CSMD3: variants seen among roughly 807,000 people sequenced by gnomAD.
CSMD3 encodes CUB and Sushi multiple domains 3, also known as CUB and sushi domain-containing protein 3.
A neutral mutation model predicts 435.2 loss-of-function variants in CSMD3; 177 were observed. That is an observed-to-expected ratio of 0.41 (90% confidence interval 0.36 to 0.46). The LOEUF is 0.46. CSMD3 is among the 20% of genes least tolerant of loss of function. The probability of loss-of-function intolerance (pLI) is 0.34; values close to 1 mark genes in which losing one functional copy is unlikely to be tolerated. For synonymous variants in CSMD3, 1,656 were observed against 1,520.5 expected (o/e 1.09, Z -2.07); for missense variants, 4,265 against 4,504.6 (o/e 0.95, Z 1.52).
intron 11 of CSMD3, among the ~76,000 whole-genome samples, chr8:112,845,998 A>G (rs553326974): frequency 6.6e-6 from 1 of 152,146 alleles, no homozygotes; most frequent in South Asian, 2.1e-4. Context: ...GAGGCTGGGG[A>G]GGATAAAGTT....
intron 36 of CSMD3, among the ~76,000 whole-genome samples, chr8:112,387,420 G>A (rs1003622052): frequency 4.0e-5 from 6 of 150,484 alleles, no homozygotes; most frequent in Non-Finnish European, 7.4e-5. Flanking sequence ...TAGCCAGATA[G>A]CTTTTAGGTA....
At chr8:113,226,942 T>C (rs2132164030) in intron 3 of CSMD3, among the ~76,000 whole-genome samples, 1 of 151,762 alleles carries the variant, frequency 6.6e-6, no homozygotes, top group Non-Finnish European at 1.5e-5. Flanking sequence ...ACTGACTTTC[T>C]GGGATTGCTT....
intron 22 of CSMD3, among the ~76,000 whole-genome samples, chr8:112,629,786 C>T (rs1586841354): frequency 1.3e-5 from 2 of 152,208 alleles, no homozygotes; most frequent in Middle Eastern, 3.4e-3. Context: ...CCCCATGATA[C>T]CTGTTTTTTT....
At chr8:112,840,971 A>T (rs1305151811) in intron 11 of CSMD3, among the ~76,000 whole-genome samples, 26 of 151,616 alleles carry the variant, frequency 1.7e-4, no homozygotes, top group Admixed American at 1.7e-3. Flanking sequence ...AATATAGTAA[A>T]TTTAAAAAAT....
At chr8:112,988,131 A>C (rs1000046123) in intron 6 of CSMD3, among the ~76,000 whole-genome samples, 1 of 152,048 alleles carries the variant, frequency 6.6e-6, no homozygotes, top group African/African-American at 2.4e-5. Context: ...CTTTCTCCCC[A>C]TAGTCTAGTC....
At chr8:113,420,385 A>G (rs1266164036) in intron 1 of CSMD3, among the ~76,000 whole-genome samples, 2 of 152,160 alleles carry the variant, frequency 1.3e-5, no homozygotes, top group Non-Finnish European at 2.9e-5. Context: ...TTTCTCAATG[A>G]GTACTTAAAA....
chr8:112,735,092 G>A (rs998586690), intron 13 of CSMD3, among the ~76,000 whole-genome samples: 1 of 151,940 alleles, frequency 6.6e-6, no homozygotes, highest in Non-Finnish European at 1.5e-5. Flanking sequence ...AGATTGTTTG[G>A]ATATTGGGAC....
At chr8:112,853,517 C>T (rs1276439342) in intron 11 of CSMD3, among the ~76,000 whole-genome samples, 2 of 152,184 alleles carry the variant, frequency 1.3e-5, no homozygotes, top group Non-Finnish European at 2.9e-5. Context: ...TGAGCCACCA[C>T]ACCTGGCCGT....
intron 6 of CSMD3, among the ~76,000 whole-genome samples, chr8:113,002,622 A>G (rs1234350774): frequency 6.6e-6 from 1 of 152,130 alleles, no homozygotes; most frequent in Non-Finnish European, 1.5e-5. Context: ...ATTTTGAGTC[A>G]TATAAAGACT....
chr8:112,517,408 ATTT>A (rs1823790149), intron 27 of CSMD3, among the ~76,000 whole-genome samples, 183 bp from the exon 28 acceptor site: 1 of 152,200 alleles, frequency 6.6e-6, no homozygotes, highest in South Asian at 2.1e-4. Flanking sequence ...GTGGCATAGT[ATTT>A]TAGTTACCAA....
In CSMD3 at chr8:112,921,678, G is replaced by A. The variant is rs138791171; in HGVS notation, c.1582C>T (p.Arg528Trp). The A allele has an allele frequency of 2.5e-5, 40 of 1,611,732 alleles. No homozygotes were observed. Among genetic ancestry groups the A allele is most frequent in the Non-Finnish European group, 3.1e-5 (36 of 1,178,104 alleles). The change falls in exon 10 of 71, where the codon CGG becomes TGG. Residue 528 changes from arginine (R) to tryptophan (W), a missense_variant. By Grantham distance (101) the Arg-to-Trp change is moderately radical. Coordinates refer to ENST00000297405, the MANE Select transcript of CSMD3 (RefSeq NM_198123.2). ...CAAGCAGCAAAAACTTCAGCTATCC[G>A]TTGACAGGTGATGCTCTTTGCGCCC... ...LQGAKSITCQ[R>W]IAEVFAAWSD...
chr8:112,442,934 A>C (rs1016964314), intron 32 of CSMD3, among the ~76,000 whole-genome samples: 1 of 152,198 alleles, frequency 6.6e-6, no homozygotes, highest in Non-Finnish European at 1.5e-5. Flanking sequence ...CTACTATGGA[A>C]CTGTTATACA....
chr8:112,395,491 A>C (rs1203931325), intron 35 of CSMD3, among the ~76,000 whole-genome samples: 1 of 152,178 alleles, frequency 6.6e-6, no homozygotes, highest in African/African-American at 2.4e-5. Flanking sequence ...TTCTAAGAAA[A>C]GATGAAGTAG....
intron 27 of CSMD3, among the ~76,000 whole-genome samples, chr8:112,533,451 A>T (rs553456316): frequency 6.6e-6 from 1 of 152,088 alleles, no homozygotes; most frequent in Non-Finnish European, 1.5e-5. Flanking sequence ...ACGGAAACCA[A>T]AAAAAGAGCA....
At chr8:112,825,632 T>A (rs1320611004) in intron 12 of CSMD3, among the ~76,000 whole-genome samples, 1 of 152,152 alleles carries the variant, frequency 6.6e-6, no homozygotes, top group Non-Finnish European at 1.5e-5. Flanking sequence ...CTTCAGGCCC[T>A]ATTCATCTGG....
intron 38 of CSMD3, among the ~76,000 whole-genome samples, chr8:112,378,289 G>T (rs1829143498): frequency 6.6e-6 from 1 of 150,498 alleles, no homozygotes; most frequent in Non-Finnish European, 1.5e-5. Context: ...ACGGAAAATA[G>T]AACTATATAA....
intron 5 of CSMD3, among the ~76,000 whole-genome samples, chr8:113,021,039 T>G (rs1259060326): frequency 6.6e-6 from 1 of 152,170 alleles, no homozygotes. Context: ...GTGTACAGAA[T>G]GTTGAATTCC....
At chr8:112,858,133 A>G (rs1465668753) in intron 11 of CSMD3, among the ~76,000 whole-genome samples, 1 of 151,730 alleles carries the variant, frequency 6.6e-6, no homozygotes, top group East Asian at 1.9e-4. Flanking sequence ...CAAGAACTTG[A>G]TAAGTGATCA....
chr8:113,394,190 AC>A (rs2094473361), intron 1 of CSMD3, among the ~76,000 whole-genome samples: 1 of 151,770 alleles, frequency 6.6e-6, no homozygotes, highest in African/African-American at 2.4e-5. Context: ...ACACACACAC[AC>A]AAGGGGTTTA....
Sources: gnomAD v4.1 joint callset for allele counts (sites outside exome capture counted in the v4.1 genomes callset) on GRCh38, gnomAD v4.1.1 for gene constraint, MANE v1.5 for transcripts, NCBI Gene and HGNC (gene_info 2026-07-23, HGNC 2026-07-21) for gene names.